The following PTPRR variants were observed in gnomAD, a reference collection of about 807,000 sequenced individuals.
PTPRR encodes receptor-type tyrosine-protein phosphatase R.
PTPRR carries 38 observed loss-of-function variants against 77.2 expected under a neutral mutation model. The ratio of observed to expected loss-of-function variants is 0.49; its 90% CI spans 0.38 to 0.65. The LOEUF (loss-of-function observed/expected upper bound fraction) is 0.65, where lower values mean the gene tolerates loss of function less well. PTPRR is among the 30% of genes least tolerant of loss of function. The pLI, the probability that PTPRR is intolerant of heterozygous loss-of-function variation, is 0.00. For missense variants in PTPRR, 744 were observed against 799.2 expected, an observed-to-expected ratio of 0.93 and a Z score of 0.83; for synonymous variants, 299 against 283.1, an observed-to-expected ratio of 1.06 and a Z score of -0.57.
chr12:70,832,291 A>G (rs1313246142), intron 2 of PTPRR, among the ~76,000 whole-genome samples: 2 of 152,178 alleles, frequency 1.3e-5, no homozygotes, highest in Non-Finnish European at 2.9e-5. Context: ...GCTCTGCCCA[A>G]TTTTTGCTGT....
chr12:70,671,142 G>C (rs1376731480), intron 10 of PTPRR, among the ~76,000 whole-genome samples: 1 of 152,090 alleles, frequency 6.6e-6, no homozygotes, highest in Non-Finnish European at 1.5e-5. Flanking sequence ...ATTGAAAGTT[G>C]GCACATTTTT....
intron 2 of PTPRR, among the ~76,000 whole-genome samples, chr12:70,887,493 T>G (rs1371498731): frequency 6.6e-6 from 1 of 152,010 alleles, no homozygotes; most frequent in African/African-American, 2.4e-5. Context: ...AGTAGGAAAT[T>G]TACTGCAGGT....
intron 2 of PTPRR, among the ~76,000 whole-genome samples, chr12:70,874,920 C>CAAAAAAA (rs34592534): frequency 9.1e-5 from 7 of 76,772 alleles, no homozygotes; most frequent in Non-Finnish European, 1.0e-4. Context: ...GACTCCATCT[C>CAAAAAAA]AAAAAAAAAA....
intron 13 of PTPRR, among the ~76,000 whole-genome samples, chr12:70,654,546 G>A (rs1886509835): frequency 6.6e-6 from 1 of 152,204 alleles, no homozygotes. Flanking sequence ...AGGAAAAAAA[G>A]AAAGGTTAGT....
At chr12:70,731,484 T>C (rs1414316166) in intron 6 of PTPRR, among the ~76,000 whole-genome samples, 1 of 152,216 alleles carries the variant, frequency 6.6e-6, no homozygotes, top group Non-Finnish European at 1.5e-5. Flanking sequence ...GTAGGATATT[T>C]TCTTAAGTGT....
chr12:70,811,546 C>A (rs1217178390), intron 2 of PTPRR, among the ~76,000 whole-genome samples: 1 of 152,212 alleles, frequency 6.6e-6, no homozygotes, highest in East Asian at 1.9e-4. Flanking sequence ...CAAAACACAG[C>A]AGAAACCTTA....
chr12:70,697,634 T>G (rs1193715348), intron 8 of PTPRR, among the ~76,000 whole-genome samples: 1 of 151,998 alleles, frequency 6.6e-6, no homozygotes, highest in African/African-American at 2.4e-5. Context: ...ACTGACTAAT[T>G]CAAGGTCATA....
chr12:70,666,709 CTCTT>C (rs2136685385), intron 10 of PTPRR, among the ~76,000 whole-genome samples: 2 of 151,944 alleles, frequency 1.3e-5, no homozygotes, highest in South Asian at 4.2e-4. Flanking sequence ...TTTCTATTTT[CTCTT>C]TCATTTTAAA....
At chr12:70,704,936 A>C (rs1888562922) in intron 6 of PTPRR, among the ~76,000 whole-genome samples, 1 of 152,154 alleles carries the variant, frequency 6.6e-6, no homozygotes, top group East Asian at 1.9e-4. Flanking sequence ...GCTGTTGGAC[A>C]AAAGGGAACA....
chr12:70,796,139 G>T (rs569164451), intron 2 of PTPRR, among the ~76,000 whole-genome samples: 1 of 151,862 alleles, frequency 6.6e-6, no homozygotes, highest in African/African-American at 2.4e-5. Flanking sequence ...GGGCAGGCTG[G>T]TCTTGAACTC....
At chr12:70,850,497 G>A (rs1420827590) in intron 2 of PTPRR, among the ~76,000 whole-genome samples, 1 of 152,132 alleles carries the variant, frequency 6.6e-6, no homozygotes, top group East Asian at 1.9e-4. Context: ...CATTAGTGAT[G>A]TTTTCCCATC....
At chr12:70,699,167 T>G (rs1888334895) in intron 7 of PTPRR, among the ~76,000 whole-genome samples, 1 of 152,224 alleles carries the variant, frequency 6.6e-6, no homozygotes, top group Non-Finnish European at 1.5e-5. Flanking sequence ...CAAAATAGTA[T>G]GTTCTCTAAC....
At chr12:70,859,743 C>A (rs993365164) in intron 2 of PTPRR, among the ~76,000 whole-genome samples, 60 of 151,954 alleles carry the variant, frequency 3.9e-4, no homozygotes, top group African/African-American at 1.3e-3. Flanking sequence ...ACTCATTACA[C>A]CAAGATCCTG....
At chr12:70,866,574 T>A (rs1161988762) in intron 2 of PTPRR, among the ~76,000 whole-genome samples, 2 of 152,122 alleles carry the variant, frequency 1.3e-5, no homozygotes, top group Non-Finnish European at 2.9e-5. Flanking sequence ...CAGGACCAGA[T>A]GGATTCACAG....
chr12:70,765,327 G>A (rs962149354), intron 2 of PTPRR, among the ~76,000 whole-genome samples: 8 of 152,252 alleles, frequency 5.3e-5, no homozygotes, highest in East Asian at 3.9e-4. Context: ...CTTTTCCGAC[G>A]GGCTTAAAAA....
chr12:70,663,847 A>G (rs1886882897), intron 10 of PTPRR, among the ~76,000 whole-genome samples: 1 of 152,224 alleles, frequency 6.6e-6, no homozygotes. Flanking sequence ...TTTAATACCC[A>G]GGACACTTGT....
chr12:70,655,751 G>A (rs1364720929), intron 13 of PTPRR, among the ~76,000 whole-genome samples: 1 of 152,182 alleles, frequency 6.6e-6, no homozygotes, highest in Non-Finnish European at 1.5e-5. Context: ...GAGAGGAATG[G>A]GGAGTTTTTT....
At chr12:70,725,654 C>T (rs1183843369) in intron 6 of PTPRR, among the ~76,000 whole-genome samples, 1 of 151,708 alleles carries the variant, frequency 6.6e-6, no homozygotes, top group Admixed American at 6.6e-5. Flanking sequence ...GACAATTGTC[C>T]TTGTGGTACA....
chr12:70,731,022 GAGAGAGGAAGGAGAGAGAGGAAGGAGAC>G, intron 6 of PTPRR, among the ~76,000 whole-genome samples: 1 of 103,624 alleles, frequency 9.7e-6, no homozygotes, highest in Admixed American at 1.0e-4. Flanking sequence ...AGGAAGGAGA[GAGAGAGGAAGGAGAGAGAGGAAGGAGAC>G]AGAGAGGAAG....
Sources: allele counts gnomAD v4.1 joint callset (sites outside exome capture counted in the v4.1 genomes callset), GRCh38; gene constraint gnomAD v4.1.1; transcripts MANE v1.5; gene names NCBI Gene and HGNC (gene_info 2026-07-23, HGNC 2026-07-21).